The following LMAN2 variants were observed in gnomAD, a reference collection of about 807,000 sequenced individuals.
LMAN2 encodes lectin, mannose binding 2.
In LMAN2, 22 loss-of-function variants were observed where a neutral mutation model predicts 39.3. The observed-to-expected ratio is 0.56, with a 90% CI of 0.40 to 0.80. The LOEUF is 0.80. LMAN2 is among the 30% of genes least tolerant of loss of function. LMAN2 has a pLI of 0.00. For synonymous variants in LMAN2, 207 were observed against 207.8 expected (o/e 1.00, Z 0.03); for missense variants, 494 against 505.4 (o/e 0.98, Z 0.22).
At chr5:177,333,004 T>C (rs1487144329) in intron 7 of LMAN2, among the ~76,000 whole-genome samples, 2 of 152,200 alleles carry the variant, frequency 1.3e-5, no homozygotes, top group Non-Finnish European at 2.9e-5. Context: ...TTCAGCGACG[T>C]GCATGCCACC....
intron 2 of LMAN2, among the ~76,000 whole-genome samples, chr5:177,350,694 T>C (rs192846767): frequency 1.3e-5 from 2 of 152,322 alleles, no homozygotes; most frequent in East Asian, 3.9e-4. Flanking sequence ...CTTTGTATAG[T>C]CATGAAAGCC....
chr5:177,345,476 C>T (rs1761619944), intron 2 of LMAN2, among the ~76,000 whole-genome samples: 1 of 150,206 alleles, frequency 6.7e-6, no homozygotes, highest in South Asian at 2.1e-4. Context: ...GCATTTACAA[C>T]ATAAAAACAA....
chr5:177,338,767 C>T (rs1351901006), intron 2 of LMAN2, among the ~76,000 whole-genome samples, 162 bp from the exon 3 acceptor site: 1 of 152,252 alleles, frequency 6.6e-6, no homozygotes, highest in Non-Finnish European at 1.5e-5. Flanking sequence ...CCACAGACCC[C>T]TAAATGTTCT....
In LMAN2 at chr5:177,332,367, C is replaced by T; in HGVS notation, c.911-121G>A. ...ACGGTGGGCAGGCCGGTCGTACTCACCCCCCTCACCGGGGAGGGGCAGAGG... is the reference window on the plus strand; with the variant it reads ...ACGGTGGGCAGGCCGGTCGTACTCATCCCCCTCACCGGGGAGGGGCAGAGG... On this transcript the variant is annotated intron_variant, in intron 7 of 7. Transcript: ENST00000303127. This position sits in a 1 kb window ranked among gnomAD's most constrained non-coding sequence, Gnocchi z 6.3. The T allele has an allele frequency of 2.3e-6, 2 of 875,858 alleles. No homozygotes were observed. Among genetic ancestry groups the T allele is most frequent in the South Asian group, 1.6e-5 (1 of 61,094 alleles). 54.3% of individuals were successfully genotyped at this position (875,858 alleles called of 1,614,324 possible).
chr5:177,345,395 G>A (rs1265189270), intron 2 of LMAN2, among the ~76,000 whole-genome samples: 1 of 145,012 alleles, frequency 6.9e-6, no homozygotes, highest in Non-Finnish European at 1.5e-5. Flanking sequence ...GTAGCCTACT[G>A]AAGAAAATAG....
At chr5:177,348,713 A>G (rs951114308) in intron 2 of LMAN2, among the ~76,000 whole-genome samples, 3 of 130,758 alleles carry the variant, frequency 2.3e-5, no homozygotes, top group African/African-American at 9.6e-5. Context: ...AAAAAAAAAA[A>G]CCTCTACTAA....
chr5:177,348,704 A>G (rs1195744577), intron 2 of LMAN2, among the ~76,000 whole-genome samples: 1 of 150,144 alleles, frequency 6.7e-6, no homozygotes, highest in Non-Finnish European at 1.5e-5. Flanking sequence ...AAAAAAAAAA[A>G]AAAAAAAAAC....
At chr5:177,345,377 G>A (rs1375442072) in intron 2 of LMAN2, among the ~76,000 whole-genome samples, 1 of 140,222 alleles carries the variant, frequency 7.1e-6, no homozygotes, top group African/African-American at 2.6e-5. Context: ...CTCTTTCAAT[G>A]TCAATGTGTA....
Position 177,331,975 on chromosome 5 carries a change from T to G in LMAN2, c.*111A>C, listed in dbSNP as rs1761391037. On this transcript the variant is annotated 3_prime_UTR_variant, in exon 8 of 8. Transcript: ENST00000303127. ...TGTATGAAAATACTTTAATCATTTA[T>G]TTGAAACAGTTAAGAAATAAGGTCA... The G allele has an allele frequency of 8.4e-7, 1 of 1,190,104 alleles. No individual in the cohort carries two copies. 73.7% of individuals were successfully genotyped at this position (1,190,104 alleles called of 1,614,324 possible). A position where few individuals can be genotyped will look rare whatever the true frequency, so the allele number is the denominator to read the frequency against.
intron 2 of LMAN2, among the ~76,000 whole-genome samples, 178 bp downstream of exon 2, chr5:177,350,995 G>A (rs1352480066): frequency 2.6e-5 from 4 of 152,198 alleles, no homozygotes; most frequent in Non-Finnish European, 5.9e-5. Flanking sequence ...CGCAGCTCCT[G>A]ACACATAGTA....
At chr5:177,348,221 TCAAA>T (rs772865932) in intron 2 of LMAN2, among the ~76,000 whole-genome samples, 3 of 152,130 alleles carry the variant, frequency 2.0e-5, no homozygotes, top group Admixed American at 6.6e-5. Flanking sequence ...TATAATAATC[TCAAA>T]CAAAATATTA....
intron 1 of LMAN2, 53 bp from the exon 2 acceptor site, chr5:177,351,344 G>A (rs1281569600): frequency 6.2e-7 from 1 of 1,608,586 alleles, no homozygotes; most frequent in Non-Finnish European, 8.5e-7. Context: ...CCTCACCAGA[G>A]GCAGGAAACC....
At chr5:177,341,404 G>T (rs114238463) in intron 2 of LMAN2, among the ~76,000 whole-genome samples, 1 of 152,082 alleles carries the variant, frequency 6.6e-6, no homozygotes, top group Admixed American at 6.6e-5. Context: ...AGGAACCAGA[G>T]GGAAAAAAGG....
At chr5:177,350,435 T>C (rs1275534230) in intron 2 of LMAN2, among the ~76,000 whole-genome samples, 1 of 152,158 alleles carries the variant, frequency 6.6e-6, no homozygotes, top group East Asian at 1.9e-4. Context: ...CAGCTGTCAT[T>C]GGCCACTGCT....
intron 7 of LMAN2, among the ~76,000 whole-genome samples, chr5:177,333,818 T>C (rs1761428722): frequency 6.6e-6 from 1 of 151,480 alleles, no homozygotes; most frequent in African/African-American, 2.4e-5. Context: ...TCTCTCTCCT[T>C]CTAGCTAAGG....
chr5:177,345,026 C>G (rs6891305), intron 2 of LMAN2, among the ~76,000 whole-genome samples: 8,179 of 152,072 alleles, frequency 0.054, 694 homozygotes, highest in African/African-American at 0.19. Context: ...CATTTTTTTA[C>G]ATAGCCATGA....
Position 177,333,266 on chromosome 5 carries a change from G to A in LMAN2, c.910+1018C>T, listed in dbSNP as rs80018603. Among the ~76,000 whole-genome samples, 1,501 of 152,300 alleles carry A rather than the reference G, an allele frequency of 9.9e-3. 70 individuals carry two copies. Among genetic ancestry groups the A allele is most frequent in the Admixed American group, 0.074 (1,133 of 15,302 alleles). On this transcript the variant is annotated intron_variant, in intron 7 of 7. Transcript: ENST00000303127. ...CCAGGGGCAGGGCCTGCCTGATCTCGTGTCTCCAGCACCCAGCCCATGGCT... is the reference window on the plus strand; with the variant it reads ...CCAGGGGCAGGGCCTGCCTGATCTCATGTCTCCAGCACCCAGCCCATGGCT...
intron 2 of LMAN2, among the ~76,000 whole-genome samples, chr5:177,345,747 T>TTATTTATTTATA (rs1186875823): frequency 6.7e-6 from 1 of 148,288 alleles, no homozygotes; most frequent in Non-Finnish European, 1.5e-5. Context: ...ATTTATTTAT[T>TTATTTATTTATA]TATTTATTTA....
At chr5:177,347,803 T>C (rs1242495460) in intron 2 of LMAN2, among the ~76,000 whole-genome samples, 1 of 152,092 alleles carries the variant, frequency 6.6e-6, no homozygotes, top group Non-Finnish European at 1.5e-5. Flanking sequence ...GATCAAAATA[T>C]TCAGTGATGC....
Sources: gnomAD v4.1 joint callset for allele counts (sites outside exome capture counted in the v4.1 genomes callset) on GRCh38, gnomAD v4.1.1 for gene constraint, Gnocchi (gnomAD v3.1) non-coding constraint, MANE v1.5 for transcripts, NCBI Gene and HGNC (gene_info 2026-07-23, HGNC 2026-07-21) for gene names.